The following MSH3 variants were observed in gnomAD, a reference collection of about 807,000 sequenced individuals.
MSH3 encodes mutS homolog 3.
Under a neutral mutation model 123.3 loss-of-function variants are expected in MSH3, and 106 were observed. The ratio of observed to expected loss-of-function variants is 0.86; its 90% CI spans 0.73 to 1.01. The LOEUF is 1.01. Ranked by LOEUF, MSH3 falls within the 50% of genes least tolerant of loss-of-function variation. MSH3 has a pLI of 0.00. For missense variants in MSH3, 1,459 were observed against 1,347.6 expected, an observed-to-expected ratio of 1.08 and a Z score of -1.29; for synonymous variants, 515 against 481.4, an observed-to-expected ratio of 1.07 and a Z score of -0.91.
In MSH3 at chr5:80,665,341, C is replaced by A; in HGVS notation, c.557C>A (p.Ser186Ter). ...AAGAATGCAGTTTCTTCTGAAGATT[C>A]GAAACGTCAAATTAATCAAAAGGTA... ...HAKNAVSSED[S>*]KRQINQKDTT... The change falls in exon 3 of 24, where the codon TCG becomes TAG. Residue 186 changes from serine (S) to a stop codon, truncating the protein, a stop_gained. Coordinates refer to ENST00000265081, the MANE Select transcript of MSH3 (RefSeq NM_002439.5). LOFTEE classifies it high-confidence loss of function. 1 of 1,612,348 alleles carries A rather than the reference C, an allele frequency of 6.2e-7. No homozygotes were observed.
Position 80,835,451 on chromosome 5 carries a change from A to G in MSH3, c.2814-18679A>G, listed in dbSNP as rs1745491795. On this transcript the variant is annotated intron_variant, in intron 20 of 23. Transcript: ENST00000265081. ...GAAGGTATTAGCAAAGGCAGATTGA[A>G]TAAGCGGAAGGTAAAAAAATAAAAA... 2.0e-5 allele frequency among the ~76,000 whole-genome samples: 3 copies of G among 152,224 alleles called. No homozygotes were observed. In the South Asian group the frequency reaches 6.2e-4, roughly 31 times the overall value.
At chr5:80,676,348 A>AT (rs1749838194) in intron 7 of MSH3, among the ~76,000 whole-genome samples, 4 of 152,038 alleles carry the variant, frequency 2.6e-5, no homozygotes, top group African/African-American at 9.7e-5. Flanking sequence ...AGTTTTATTG[A>AT]TTTTCTGGCA....
At chr5:80,811,785 AAG>A (rs879644056) in intron 19 of MSH3, among the ~76,000 whole-genome samples, 23 of 148,052 alleles carry the variant, frequency 1.6e-4, no homozygotes, top group Non-Finnish European at 3.3e-4. Context: ...CATATTAAAA[AAG>A]AGATTAAAAA....
rs2112796425 is a variant in MSH3 at position 80,654,653 on chromosome 5, G to A, written c.-75G>A. 1 of 1,446,850 alleles carries A rather than the reference G, an allele frequency of 6.9e-7. No homozygotes were observed. Among genetic ancestry groups the A allele is most frequent in the Non-Finnish European group, 9.3e-7 (1 of 1,069,912 alleles). The allele number at this position is 1,446,850 out of a possible 1,614,324, so 89.6% of individuals were successfully genotyped here. A position where few individuals can be genotyped will look rare whatever the true frequency, so the allele number is the denominator to read the frequency against. On this transcript the variant is annotated 5_prime_UTR_variant, in exon 1 of 24. Coordinates refer to ENST00000265081, the MANE Select transcript of MSH3 (RefSeq NM_002439.5). Reference sequence around the variant, plus strand: ...GGGTCGCGGCGTGCTCGCGCCCGCAGACGCCTGGGAACTGCGGCCGCGGGC... The same window carrying A: ...GGGTCGCGGCGTGCTCGCGCCCGCAAACGCCTGGGAACTGCGGCCGCGGGC...
chr5:80,745,770 C>T (rs1201924238), intron 12 of MSH3, among the ~76,000 whole-genome samples: 1 of 152,232 alleles, frequency 6.6e-6, no homozygotes, highest in Non-Finnish European at 1.5e-5. Flanking sequence ...CTTTATCTCA[C>T]ACCACACAGT....
chr5:80,795,495 C>T (rs1459785506), intron 19 of MSH3, among the ~76,000 whole-genome samples: 1 of 152,100 alleles, frequency 6.6e-6, no homozygotes, highest in East Asian at 1.9e-4. Flanking sequence ...GGGTCTCTTA[C>T]TCATGTATTC....
At chr5:80,740,157 C>A (rs974668482) in intron 10 of MSH3, among the ~76,000 whole-genome samples, 3 of 152,146 alleles carry the variant, frequency 2.0e-5, no homozygotes, top group African/African-American at 4.8e-5. Flanking sequence ...CTTCTTAACA[C>A]GAATTGGAAT....
intron 17 of MSH3, 107 bp downstream of exon 17, chr5:80,778,943 T>A: frequency 2.8e-6 from 2 of 714,726 alleles, no homozygotes; most frequent in South Asian, 1.5e-5. Flanking sequence ...TGACCCACCA[T>A]AAAATAGTTG....
chr5:80,740,661 C>T (rs1039877045), intron 10 of MSH3, among the ~76,000 whole-genome samples: 4 of 150,408 alleles, frequency 2.7e-5, no homozygotes, highest in African/African-American at 9.8e-5. Context: ...TGCCTGGCCG[C>T]ATGTGTGTTG....
chr5:80,681,387 A>G (rs1413751791), intron 8 of MSH3, among the ~76,000 whole-genome samples: 1 of 152,068 alleles, frequency 6.6e-6, no homozygotes, highest in African/African-American at 2.4e-5. Context: ...AATGGTGATC[A>G]AGAGCTTTAT....
chr5:80,668,909 C>G (rs1439996396), intron 3 of MSH3, among the ~76,000 whole-genome samples: 1 of 152,226 alleles, frequency 6.6e-6, no homozygotes, highest in Non-Finnish European at 1.5e-5. Context: ...GAGGCTTCTT[C>G]CACCCATTTC....
intron 22 of MSH3, among the ~76,000 whole-genome samples, chr5:80,865,728 A>G (rs182750512): frequency 7.9e-5 from 12 of 152,292 alleles, no homozygotes; most frequent in South Asian, 2.1e-4. Context: ...GGTTTGCGCA[A>G]TTGGTATGCT....
At chr5:80,848,620 T>G (rs1312543850) in intron 20 of MSH3, among the ~76,000 whole-genome samples, 1 of 152,138 alleles carries the variant, frequency 6.6e-6, no homozygotes, top group African/African-American at 2.4e-5. Context: ...CAGGTAAAGA[T>G]ATTGTGCAGG....
Position 80,725,712 on chromosome 5 carries a change from A to G in MSH3, c.1453+147A>G, listed in dbSNP as rs1352145102. 1.3e-5 allele frequency: 9 copies of G among 683,330 alleles called. No homozygotes were observed. The African/African-American group carries it at 1.4e-4, about 11-fold the overall frequency. 42.3% of individuals were successfully genotyped at this position (683,330 alleles called of 1,614,324 possible). A position where few individuals can be genotyped will look rare whatever the true frequency, so the allele number is the denominator to read the frequency against. ...CTCACTGTTGTTGTGCTCATCAGAA[A>G]CACTATTGTACTGCAGTCCCAGCTA... On this transcript the variant is annotated intron_variant, in intron 9 of 23. Transcript: ENST00000265081.
At chr5:80,729,284 G>A (rs1474841652) in intron 10 of MSH3, among the ~76,000 whole-genome samples, 1 of 151,466 alleles carries the variant, frequency 6.6e-6, no homozygotes, top group Non-Finnish European at 1.5e-5. Context: ...GCGTGGTGGT[G>A]GGCGCCTGTA....
rs61754780 is a variant in MSH3, at chr5:80,725,452, G to T, written c.1341-1G>T. 2.5e-5 allele frequency: 40 copies of T among 1,608,756 alleles called. No individual in the cohort carries two copies. In the South Asian group the frequency reaches 3.6e-4, roughly 15 times the overall value. On this transcript the variant is annotated splice_acceptor_variant, in intron 8 of 23. Transcript: ENST00000265081. LOFTEE classifies it high-confidence loss of function. ...TTTGAAATTTTCCTTTTTTCTTTCA[G>T]TGTGCAGGATGACAGAATTCGAGTC...
chr5:80,691,406 A>T (rs182559106), intron 8 of MSH3, among the ~76,000 whole-genome samples: 4 of 152,096 alleles, frequency 2.6e-5, no homozygotes, highest in African/African-American at 9.6e-5. Flanking sequence ...TCTTAACGAA[A>T]ATTTGGAAAC....
intron 2 of MSH3, among the ~76,000 whole-genome samples, chr5:80,662,788 T>TTGCA (rs1471533828): frequency 5.3e-5 from 8 of 151,376 alleles, no homozygotes; most frequent in Non-Finnish European, 1.0e-4. Flanking sequence ...GATCGCGCCA[T>TTGCA]TGCACTCCAG....
chr5:80,787,781 G>C lies in MSH3; in HGVS notation c.2543+109G>C, dbSNP rs1174925196. ...ATATTACAGTTACTCAAATGTGTTAGACTCTTGGGAAAGCTGAATGTCATA... is the reference window on the plus strand; with the variant it reads ...ATATTACAGTTACTCAAATGTGTTACACTCTTGGGAAAGCTGAATGTCATA... On this transcript the variant is annotated intron_variant, in intron 18 of 23. Transcript: ENST00000265081. 3 of 788,424 alleles carry C rather than the reference G, an allele frequency of 3.8e-6. No homozygotes were observed. The Admixed American group carries it at 6.1e-5, about 16-fold the overall frequency. 48.8% of individuals were successfully genotyped at this position (788,424 alleles called of 1,614,324 possible).
Sources: gnomAD v4.1 joint callset for allele counts (sites outside exome capture counted in the v4.1 genomes callset) on GRCh38, gnomAD v4.1.1 for gene constraint, MANE v1.5 for transcripts, NCBI Gene and HGNC (gene_info 2026-07-23, HGNC 2026-07-21) for gene names.